The following MED13L variants were observed in gnomAD, a reference collection of about 807,000 sequenced individuals.
MED13L encodes mediator of RNA polymerase II transcription subunit 13-like.
Under a neutral mutation model 220.9 loss-of-function variants are expected in MED13L, and 7 were observed. That is an observed-to-expected ratio of 0.03 (90% CI 0.02 to 0.06). The LOEUF (loss-of-function observed/expected upper bound fraction) is 0.06, where lower values mean the gene tolerates loss of function less well. Ranked by LOEUF, MED13L falls within the 10% of genes least tolerant of loss-of-function variation. MED13L has a pLI of 1.00. For missense variants in MED13L, 1,965 were observed against 2,760.5 expected (o/e 0.71, Z 6.46); for synonymous variants, 1,011 against 1,015.2 (o/e 1.00, Z 0.08).
rs960468330 is a variant in MED13L at position 115,959,915 on chromosome 12, A to G, written c.*1351T>C. ...CATGATTCTCTCCACAGATGACAAG[A>G]GCTCAAAGGCCTGGTCACAGTGGCT... On this transcript the variant is annotated 3_prime_UTR_variant, in exon 31 of 31. Transcript: ENST00000281928. 6 of 152,622 alleles carry G rather than the reference A, an allele frequency of 3.9e-5. No individual in the cohort carries two copies. The highest frequency in any genetic ancestry group is 7.3e-5 in the Non-Finnish European group (5 of 68,034). 9.5% of individuals were successfully genotyped at this position (152,622 alleles called of 1,614,324 possible). A position where few individuals can be genotyped will look rare whatever the true frequency, so the allele number is the denominator to read the frequency against.
chr12:116,051,065 C>T, intron 4 of MED13L, among the ~76,000 whole-genome samples: 1 of 151,906 alleles, frequency 6.6e-6, no homozygotes, highest in East Asian at 1.9e-4. Flanking sequence ...CGGAAAAATA[C>T]CTAAATTAGG....
chr12:116,210,599 CA>C (rs1209967358), intron 2 of MED13L, among the ~76,000 whole-genome samples: 15 of 132,674 alleles, frequency 1.1e-4, no homozygotes, highest in African/African-American at 4.1e-4. Context: ...ATAGTGGTAT[CA>C]GAGAGCCCTA....
chr12:116,083,289 A>G (rs909855431), intron 4 of MED13L, among the ~76,000 whole-genome samples: 1 of 151,234 alleles, frequency 6.6e-6, no homozygotes, highest in African/African-American at 2.4e-5. Context: ...CTATAATCCC[A>G]GCTACTCAGG....
intron 4 of MED13L, among the ~76,000 whole-genome samples, chr12:116,047,770 C>T (rs977023948): frequency 2.6e-5 from 4 of 152,142 alleles, no homozygotes; most frequent in African/African-American, 7.2e-5. Flanking sequence ...TCACTCACTA[C>T]AAGAAGTTTT....
intron 1 of MED13L, among the ~76,000 whole-genome samples, chr12:116,261,926 G>GT (rs1046677841): frequency 8.5e-5 from 13 of 152,156 alleles, no homozygotes; most frequent in Admixed American, 5.9e-4. Context: ...CCTGCCTTTG[G>GT]TTTTTCCCCT....
chr12:116,277,685 G>A lies in MED13L; in HGVS notation c.-554C>T, dbSNP rs2138619546. On this transcript the variant is annotated 5_prime_UTR_variant, in exon 1 of 31. Coordinates refer to ENST00000281928, the MANE Select transcript of MED13L (RefSeq NM_015335.5). ...CTCCCTCCCCGGGCTCGCTTGCTCT[G>A]ACAGCAATGGCGGCCGCCGACCGCG... Among the ~76,000 whole-genome samples, 1 of 149,626 alleles carries A rather than the reference G, an allele frequency of 6.7e-6. No homozygotes were observed. The highest frequency in any genetic ancestry group is 6.6e-5 in the Admixed American group (1 of 15,098).
rs181862542 is a variant in MED13L at position 115,985,115 on chromosome 12, T to C, written c.4339-743A>G. 9.9e-5 allele frequency among the ~76,000 whole-genome samples: 15 copies of C among 152,278 alleles called. No homozygotes were observed. In the East Asian group the frequency reaches 2.1e-3, roughly 22 times the overall value. On this transcript the variant is annotated intron_variant, in intron 19 of 30. Transcript: ENST00000281928. ...ATTACTGCCGAATAAGCAACCCTAG[T>C]GAAGTCATTAAGAAAAATTTAAAAG...
chr12:116,256,433 G>A (rs1246908239), intron 1 of MED13L, among the ~76,000 whole-genome samples: 1 of 152,092 alleles, frequency 6.6e-6, no homozygotes, highest in Non-Finnish European at 1.5e-5. Flanking sequence ...CTGGAGGGGA[G>A]GAAGGCTGAG....
chr12:116,065,856 A>G (rs1869878445), intron 4 of MED13L, among the ~76,000 whole-genome samples: 1 of 152,260 alleles, frequency 6.6e-6, no homozygotes, highest in Non-Finnish European at 1.5e-5. Context: ...TGGAAGAAAA[A>G]CAGAACTGTG....
At chr12:116,139,717 G>A (rs532914102) in intron 2 of MED13L, among the ~76,000 whole-genome samples, 4 of 152,100 alleles carry the variant, frequency 2.6e-5, no homozygotes, top group Admixed American at 6.5e-5. Context: ...TGGATAGGCC[G>A]CGTGTGGTGG....
rs183703370 is a variant in MED13L at position 116,177,387 on chromosome 12, T to A, written c.310+60081A>T. Among the ~76,000 whole-genome samples, 237 of 152,342 alleles carry A rather than the reference T, an allele frequency of 1.6e-3. 1 individual carries two copies. The highest frequency in any genetic ancestry group is 5.3e-3 in the African/African-American group (219 of 41,578). On this transcript the variant is annotated intron_variant, in intron 2 of 30. Coordinates refer to ENST00000281928, the MANE Select transcript of MED13L (RefSeq NM_015335.5). The stretch of plus-strand genomic sequence containing the variant: ...TTCAAAATCTTTCCAAAGCTAGGCA[T>A]TGAGTCTCTGTCTCAGAAATATTCT...
chr12:116,206,972 A>G (rs1882374389), intron 2 of MED13L, among the ~76,000 whole-genome samples: 1 of 152,184 alleles, frequency 6.6e-6, no homozygotes, highest in Non-Finnish European at 1.5e-5. Context: ...ACAGAGAGGA[A>G]TTATTCTGAG....
At chr12:116,132,300 AAT>A (rs1314606620) in intron 2 of MED13L, among the ~76,000 whole-genome samples, 157 of 151,672 alleles carry the variant, frequency 1.0e-3, no homozygotes, top group African/African-American at 3.7e-3. Context: ...AAAAAAAAAA[AAT>A]CAGTACCAAA....
intron 2 of MED13L, among the ~76,000 whole-genome samples, chr12:116,194,588 C>G (rs976850754): frequency 6.6e-6 from 1 of 152,034 alleles, no homozygotes; most frequent in Admixed American, 6.6e-5. Flanking sequence ...AAAAGCATCA[C>G]GAAAATATTA....
At chr12:116,215,719 G>A (rs934269124) in intron 2 of MED13L, among the ~76,000 whole-genome samples, 4 of 152,016 alleles carry the variant, frequency 2.6e-5, no homozygotes, top group African/African-American at 9.7e-5. Context: ...TCACACAAAA[G>A]TGCAATATTT....
At chr12:116,169,526 T>G (rs548391701) in intron 2 of MED13L, among the ~76,000 whole-genome samples, 1 of 152,242 alleles carries the variant, frequency 6.6e-6, no homozygotes, top group East Asian at 1.9e-4. Flanking sequence ...TCTACTTTTA[T>G]GTTCAATATA....
At chr12:115,965,151 A>G (rs185918975) in intron 29 of MED13L, among the ~76,000 whole-genome samples, 1 of 152,302 alleles carries the variant, frequency 6.6e-6, no homozygotes, top group Admixed American at 6.5e-5. Flanking sequence ...CTATGTGTGT[A>G]CGTGTATATG....
At chr12:116,060,561 CAG>C (rs1331588977) in intron 4 of MED13L, among the ~76,000 whole-genome samples, 1 of 134,826 alleles carries the variant, frequency 7.4e-6, no homozygotes, top group Non-Finnish European at 1.5e-5. Flanking sequence ...GCCTGGGCGA[CAG>C]AGCAAGACTC....
intron 1 of MED13L, among the ~76,000 whole-genome samples, chr12:116,259,457 T>C (rs1872333529): frequency 6.6e-6 from 1 of 152,130 alleles, no homozygotes. Context: ...AATATACATA[T>C]AAATACATAT....
Sources: allele counts gnomAD v4.1 joint callset (sites outside exome capture counted in the v4.1 genomes callset), GRCh38; gene constraint gnomAD v4.1.1; transcripts MANE v1.5; gene names NCBI Gene and HGNC (gene_info 2026-07-23, HGNC 2026-07-21).